Variants in SYN3 observed in about 807,000 individuals in gnomAD.
SYN3 encodes synapsin III.
Under a neutral mutation model 65.8 loss-of-function variants are expected in SYN3, and 35 were observed. That is an observed-to-expected ratio of 0.53 (90% confidence interval 0.41 to 0.70). The LOEUF is 0.70. SYN3 is among the 30% of genes least tolerant of loss of function. The probability of loss-of-function intolerance (pLI) is 0.00; values close to 1 mark genes in which losing one functional copy is unlikely to be tolerated. For synonymous variants in SYN3, 270 were observed against 292.9 expected (o/e 0.92, Z 0.80); for missense variants, 680 against 749.0 (o/e 0.91, Z 1.08).
rs186627920 is a variant in SYN3 at position 32,830,985 on chromosome 22, G to A, written c.711+33930C>T. Among the ~76,000 whole-genome samples the A allele has an allele frequency of 1.4e-3, 208 of 152,306 alleles. 1 individual carries two copies. Among genetic ancestry groups the A allele is most frequent in the African/African-American group, 4.9e-3 (204 of 41,564 alleles). On this transcript the variant is annotated intron_variant, in intron 6 of 13. Transcript: ENST00000358763. The stretch of plus-strand genomic sequence containing the variant: ...TTTCCCCAACCAGGGGCACAGGGGT[G>A]GGGGAAGAGGAGAAACATGAAGGTA...
At chr22:32,744,583 A>G (rs1049782999) in intron 6 of SYN3, among the ~76,000 whole-genome samples, 2 of 152,226 alleles carry the variant, frequency 1.3e-5, no homozygotes, top group African/African-American at 4.8e-5. Flanking sequence ...AATAAGTAAG[A>G]GACGGTCAAA....
intron 6 of SYN3, among the ~76,000 whole-genome samples, chr22:32,614,312 T>C (rs1394068532): frequency 1.3e-5 from 2 of 152,094 alleles, no homozygotes; most frequent in African/African-American, 4.8e-5. Flanking sequence ...GATGGATGTG[T>C]GTGGGTAACA....
At chr22:32,676,958 A>G (rs2060454993) in intron 6 of SYN3, among the ~76,000 whole-genome samples, 1 of 152,124 alleles carries the variant, frequency 6.6e-6, no homozygotes, top group African/African-American at 2.4e-5. Flanking sequence ...CTTCCCCTTT[A>G]CAGGTGAGAA....
intron 6 of SYN3, among the ~76,000 whole-genome samples, chr22:32,805,596 A>G (rs1450819638): frequency 6.6e-6 from 1 of 151,832 alleles, no homozygotes; most frequent in African/African-American, 2.4e-5. Context: ...GGTTGCACGC[A>G]CTTCCCAAAT....
intron 4 of SYN3, among the ~76,000 whole-genome samples, chr22:32,878,000 A>G (rs2049026598): frequency 6.6e-6 from 1 of 152,244 alleles, no homozygotes; most frequent in Non-Finnish European, 1.5e-5. Context: ...CAAGGTAGAT[A>G]CGATAATAAT....
At chr22:32,726,395 C>A (rs2061194204) in intron 6 of SYN3, among the ~76,000 whole-genome samples, 1 of 152,228 alleles carries the variant, frequency 6.6e-6, no homozygotes, top group African/African-American at 2.4e-5. Context: ...CCCGCCTTGG[C>A]CTCCCAAAGT....
At chr22:32,601,190 A>G (rs1032471007) in intron 6 of SYN3, among the ~76,000 whole-genome samples, 8 of 152,240 alleles carry the variant, frequency 5.3e-5, no homozygotes, top group African/African-American at 1.7e-4. Context: ...ATGTTTAAGT[A>G]AGATATTTCA....
At chr22:32,643,562 G>T (rs1272917215) in intron 6 of SYN3, among the ~76,000 whole-genome samples, 8 of 122,174 alleles carry the variant, frequency 6.5e-5, no homozygotes, top group African/African-American at 1.6e-4. Flanking sequence ...GGGGGCGGGG[G>T]GGGCAGAACA....
intron 1 of SYN3, among the ~76,000 whole-genome samples, chr22:33,037,732 C>T (rs899651668): frequency 3.9e-5 from 6 of 152,140 alleles, no homozygotes; most frequent in Non-Finnish European, 8.8e-5. Flanking sequence ...TTTTAACTAC[C>T]ACTCCTGCCT....
At chr22:32,723,581 C>T (rs2061149274) in intron 6 of SYN3, among the ~76,000 whole-genome samples, 1 of 152,108 alleles carries the variant, frequency 6.6e-6, no homozygotes, top group Admixed American at 6.5e-5. Flanking sequence ...TGAAAGTCAC[C>T]CCAAGCCAGA....
chr22:32,541,301 T>C (rs1052636222), intron 8 of SYN3, among the ~76,000 whole-genome samples: 1 of 152,246 alleles, frequency 6.6e-6, no homozygotes, highest in Non-Finnish European at 1.5e-5. Flanking sequence ...CAAAGACATA[T>C]ATCCTGTGTG....
chr22:32,908,685 T>G (rs2049969096), intron 4 of SYN3, among the ~76,000 whole-genome samples: 1 of 152,162 alleles, frequency 6.6e-6, no homozygotes, highest in Non-Finnish European at 1.5e-5. Context: ...GTGTGTGTCA[T>G]GCCATAATGA....
intron 6 of SYN3, among the ~76,000 whole-genome samples, chr22:32,811,169 T>C (rs1281888422): frequency 2.6e-5 from 4 of 151,524 alleles, no homozygotes; most frequent in Non-Finnish European, 4.4e-5. Flanking sequence ...GGTAATAAAA[T>C]TTGGGGGCAG....
chr22:33,051,006 C>T (rs1053337192), intron 1 of SYN3, among the ~76,000 whole-genome samples: 1 of 152,210 alleles, frequency 6.6e-6, no homozygotes, highest in African/African-American at 2.4e-5. Context: ...TATTCAAATT[C>T]CAAAGGCTTA....
chr22:32,609,282 C>A (rs1396038871), intron 6 of SYN3, among the ~76,000 whole-genome samples: 1 of 151,634 alleles, frequency 6.6e-6, no homozygotes, highest in Non-Finnish European at 1.5e-5. Context: ...GGAGATGGAG[C>A]CACTACTCCA....
chr22:32,808,523 T>C (rs2046826620), intron 6 of SYN3, among the ~76,000 whole-genome samples: 1 of 152,208 alleles, frequency 6.6e-6, no homozygotes. Context: ...TTCAGTGGAC[T>C]CTTAGGATAA....
chr22:32,543,363 G>A (rs1240428543), intron 7 of SYN3, among the ~76,000 whole-genome samples: 1 of 152,200 alleles, frequency 6.6e-6, no homozygotes, highest in Non-Finnish European at 1.5e-5. Flanking sequence ...CGAAGGCACA[G>A]CTTTTCCTTG....
At chr22:32,683,733 A>G (rs972495150) in intron 6 of SYN3, among the ~76,000 whole-genome samples, 13 of 152,220 alleles carry the variant, frequency 8.5e-5, no homozygotes, top group Admixed American at 6.5e-5. Flanking sequence ...CCTAATGCTC[A>G]GTACTTCAGA....
At chr22:32,782,975 C>T (rs1026264210) in intron 6 of SYN3, among the ~76,000 whole-genome samples, 2 of 152,238 alleles carry the variant, frequency 1.3e-5, no homozygotes, top group Non-Finnish European at 2.9e-5. Context: ...AAGCACTTCT[C>T]ATTGAAGCTT....
Sources: gnomAD v4.1 joint callset for allele counts (sites outside exome capture counted in the v4.1 genomes callset) on GRCh38, gnomAD v4.1.1 for gene constraint, MANE v1.5 for transcripts, NCBI Gene and HGNC (gene_info 2026-07-23, HGNC 2026-07-21) for gene names.